PTPRN2: variants seen among roughly 807,000 people sequenced by gnomAD.
The protein encoded by PTPRN2 is receptor-type tyrosine-protein phosphatase N2.
Under a neutral mutation model 118.8 loss-of-function variants are expected in PTPRN2, and 74 were observed. The ratio of observed to expected loss-of-function variants is 0.62; its 90% CI spans 0.52 to 0.76. PTPRN2 has a LOEUF of 0.76. PTPRN2 is among the 30% of genes least tolerant of loss of function. The probability of loss-of-function intolerance (pLI) is 0.00; values close to 1 mark genes in which losing one functional copy is unlikely to be tolerated. For missense variants in PTPRN2, 1,481 were observed against 1,394.4 expected (o/e 1.06, Z -0.99); for synonymous variants, 641 against 608.0 (o/e 1.05, Z -0.80).
At chr7:158,449,151 A>C (rs1193771461) in intron 2 of PTPRN2, among the ~76,000 whole-genome samples, 2 of 152,200 alleles carry the variant, frequency 1.3e-5, no homozygotes, top group Non-Finnish European at 2.9e-5. Flanking sequence ...CTCCCAGTGA[A>C]CACTGAAAAC....
chr7:157,888,114 G>A (rs1208838754), intron 12 of PTPRN2, among the ~76,000 whole-genome samples: 4 of 151,764 alleles, frequency 2.6e-5, no homozygotes, highest in South Asian at 2.1e-4. Flanking sequence ...TTGGGCTCAC[G>A]GACGGTCTGA....
chr7:158,300,992 T>C (rs138900486), intron 3 of PTPRN2, among the ~76,000 whole-genome samples: 8 of 152,332 alleles, frequency 5.3e-5, no homozygotes, highest in African/African-American at 1.9e-4. Flanking sequence ...GTGAATTAAA[T>C]GTTCTTTCAT....
chr7:157,635,190 GT>G (rs2150679586), intron 14 of PTPRN2, among the ~76,000 whole-genome samples: 1 of 152,356 alleles, frequency 6.6e-6, no homozygotes, highest in Non-Finnish European at 1.5e-5. Flanking sequence ...TAAGCTAACT[GT>G]TTGCTCTTCA....
intron 9 of PTPRN2, among the ~76,000 whole-genome samples, chr7:158,115,097 C>G (rs936246056): frequency 2.6e-5 from 4 of 152,286 alleles, no homozygotes; most frequent in East Asian, 1.9e-4. Flanking sequence ...AGTCCAGGAG[C>G]TCAAGGCTGC....
chr7:158,169,888 C>T (rs552599463), intron 5 of PTPRN2, among the ~76,000 whole-genome samples: 66 of 142,460 alleles, frequency 4.6e-4, no homozygotes, highest in Non-Finnish European at 9.2e-4. Flanking sequence ...GATGGGGTTT[C>T]GCCATGTTGG....
At chr7:158,025,672 C>T (rs995959890) in intron 11 of PTPRN2, among the ~76,000 whole-genome samples, 5 of 152,170 alleles carry the variant, frequency 3.3e-5, no homozygotes, top group South Asian at 2.1e-4. Flanking sequence ...AGTTGGATAT[C>T]GGCAAGTAAG....
chr7:157,826,590 C>T (rs945060869), intron 12 of PTPRN2, among the ~76,000 whole-genome samples: 11 of 148,332 alleles, frequency 7.4e-5, no homozygotes, highest in African/African-American at 2.5e-4. Context: ...TCGTCACAAT[C>T]GTGAGCGCCA....
At chr7:158,329,837 G>C (rs1411135593) in intron 2 of PTPRN2, among the ~76,000 whole-genome samples, 3 of 152,130 alleles carry the variant, frequency 2.0e-5, no homozygotes, top group African/African-American at 4.8e-5. Context: ...CCTCTACGGA[G>C]ACTCACTTTC....
intron 3 of PTPRN2, among the ~76,000 whole-genome samples, chr7:158,290,453 C>T (rs911620379): frequency 6.6e-6 from 1 of 152,158 alleles, no homozygotes; most frequent in African/African-American, 2.4e-5. Context: ...GGCCCAGAGA[C>T]TAAGTCCACT....
At chr7:158,397,805 A>T (rs1385621167) in intron 2 of PTPRN2, among the ~76,000 whole-genome samples, 1 of 152,186 alleles carries the variant, frequency 6.6e-6, no homozygotes, top group Non-Finnish European at 1.5e-5. Flanking sequence ...GTGAATAAAA[A>T]CAGCTACATG....
chr7:157,714,031 C>G (rs34033815), intron 12 of PTPRN2, among the ~76,000 whole-genome samples: 6,709 of 152,298 alleles, frequency 0.044, 214 homozygotes, highest in Middle Eastern at 0.092. Context: ...AATGATACAG[C>G]TCCACATTTT....
In PTPRN2 at chr7:157,619,947, G is replaced by A. The variant is rs1432950821; in HGVS notation, c.2344+1415C>T. ...CGGAGAGACGGCCTCGGCCACAGGGGACACTGGTCCCGCCTGATGCTGAGC... is the reference window on the plus strand; with the variant it reads ...CGGAGAGACGGCCTCGGCCACAGGGAACACTGGTCCCGCCTGATGCTGAGC... On this transcript the variant is annotated intron_variant, in intron 15 of 22. Coordinates refer to ENST00000389418, the MANE Select transcript of PTPRN2 (RefSeq NM_002847.5). The surrounding 1 kb of genome is among the most constrained non-coding windows in gnomAD (Gnocchi z 5.3). Among the ~76,000 whole-genome samples the A allele has an allele frequency of 6.6e-6, 1 of 152,220 alleles. No homozygotes were observed. Among genetic ancestry groups the A allele is most frequent in the Non-Finnish European group, 1.5e-5 (1 of 68,038 alleles).
intron 11 of PTPRN2, among the ~76,000 whole-genome samples, chr7:157,936,035 G>T (rs768397039): frequency 6.6e-6 from 1 of 152,178 alleles, no homozygotes; most frequent in Non-Finnish European, 1.5e-5. Flanking sequence ...CCTCAGGGGG[G>T]TCTAGCCATC....
At chr7:157,751,086 T>C (rs1400421270) in intron 12 of PTPRN2, among the ~76,000 whole-genome samples, 1 of 152,194 alleles carries the variant, frequency 6.6e-6, no homozygotes, top group Non-Finnish European at 1.5e-5. Flanking sequence ...GGGGAGCTGC[T>C]GTGAGCTGTG....
In PTPRN2 at chr7:158,517,987, C is replaced by T. The variant is rs977727132; in HGVS notation, c.113-28202G>A. On this transcript the variant is annotated intron_variant, in intron 1 of 22. Coordinates refer to ENST00000389418, the MANE Select transcript of PTPRN2 (RefSeq NM_002847.5). The surrounding 1 kb of genome is among the most constrained non-coding windows in gnomAD (Gnocchi z 5.3). ...GAGGGCTCCCTAATTCCTGACCGGG[C>T]GGGGCACCCCTGCAACATTCTCCCA... Among the ~76,000 whole-genome samples the T allele has an allele frequency of 3.9e-5, 6 of 152,216 alleles. No homozygotes were observed. In the East Asian group the frequency reaches 7.7e-4, roughly 20 times the overall value.
chr7:157,669,293 G>A (rs76775873), intron 13 of PTPRN2, among the ~76,000 whole-genome samples: 12,521 of 152,262 alleles, frequency 0.082, 710 homozygotes, highest in East Asian at 0.22. Flanking sequence ...AGCCGGGGAC[G>A]TCCTCGGCTC....
At chr7:158,102,294 C>T (rs753266883) in intron 10 of PTPRN2, among the ~76,000 whole-genome samples, 3 of 152,324 alleles carry the variant, frequency 2.0e-5, no homozygotes, top group Middle Eastern at 3.4e-3. Context: ...ATATGGTAAA[C>T]TCAATGCACG....
intron 12 of PTPRN2, among the ~76,000 whole-genome samples, chr7:157,810,378 G>A (rs781479840): frequency 2.2e-4 from 33 of 152,262 alleles, no homozygotes; most frequent in Middle Eastern, 3.4e-3. Flanking sequence ...TAGAGGTGCC[G>A]TGCTGGGCAC....
chr7:158,386,639 A>T (rs1811407950), intron 2 of PTPRN2, among the ~76,000 whole-genome samples: 1 of 152,194 alleles, frequency 6.6e-6, no homozygotes, highest in South Asian at 2.1e-4. Context: ...CAAATGCCCA[A>T]ACATTTAACC....
Sources: gnomAD v4.1 joint callset for allele counts (sites outside exome capture counted in the v4.1 genomes callset) on GRCh38, gnomAD v4.1.1 for gene constraint, Gnocchi (gnomAD v3.1) non-coding constraint, MANE v1.5 for transcripts, NCBI Gene and HGNC (gene_info 2026-07-23, HGNC 2026-07-21) for gene names.